Variants in PSMD1 observed in about 807,000 individuals in gnomAD.
The protein encoded by PSMD1 is 26S proteasome non-ATPase regulatory subunit 1.
Under a neutral mutation model 119.0 loss-of-function variants are expected in PSMD1, and 18 were observed. The observed-to-expected ratio is 0.15, with a 90% CI of 0.10 to 0.22. The LOEUF (loss-of-function observed/expected upper bound fraction) is 0.22, where lower values mean the gene tolerates loss of function less well. Ranked by LOEUF, PSMD1 falls within the 10% of genes least tolerant of loss-of-function variation. The pLI, the probability that PSMD1 is intolerant of heterozygous loss-of-function variation, is 1.00. For synonymous variants in PSMD1, 374 were observed against 396.6 expected (o/e 0.94, Z 0.68); for missense variants, 702 against 1,158.5 (o/e 0.61, Z 5.72).
At chr2:231,105,695 A>C (rs1342819480) in intron 16 of PSMD1, among the ~76,000 whole-genome samples, 1 of 152,184 alleles carries the variant, frequency 6.6e-6, no homozygotes, top group Non-Finnish European at 1.5e-5. Flanking sequence ...TCTTTGTGCA[A>C]CTGTTTTTTA....
intron 6 of PSMD1, among the ~76,000 whole-genome samples, 196 bp from the exon 7 acceptor site, chr2:231,071,993 T>A (rs965058544): frequency 1.3e-5 from 2 of 152,204 alleles, no homozygotes; most frequent in Non-Finnish European, 2.9e-5. Flanking sequence ...TGAATTTTTT[T>A]ATGGAAGACA....
At chr2:231,073,983 T>A (rs1411611047) in intron 7 of PSMD1, among the ~76,000 whole-genome samples, 2 of 152,180 alleles carry the variant, frequency 1.3e-5, no homozygotes, top group Non-Finnish European at 2.9e-5. Context: ...CTCCTTCTTT[T>A]GTAATCTTTA....
intron 16 of PSMD1, chr2:231,123,785 A>T (rs1288087037): frequency 1.3e-6 from 2 of 1,566,918 alleles, no homozygotes. Context: ...TCTGTGATTC[A>T]ATCCCGTTCC....
intron 23 of PSMD1, among the ~76,000 whole-genome samples, chr2:231,167,387 G>A (rs552939285): frequency 6.6e-6 from 1 of 152,296 alleles, no homozygotes; most frequent in South Asian, 2.1e-4. Context: ...AGTGAGGCAC[G>A]TGCTCAATGC....
intron 16 of PSMD1, among the ~76,000 whole-genome samples, chr2:231,110,313 C>G (rs530683028): frequency 1.3e-5 from 2 of 152,140 alleles, no homozygotes; most frequent in South Asian, 4.1e-4. Flanking sequence ...AAGTAAGACT[C>G]TGTCTCAAAA....
chr2:231,109,541 G>T (rs1366058229), intron 16 of PSMD1: 3 of 762,732 alleles, frequency 3.9e-6, no homozygotes, highest in East Asian at 2.7e-5. Flanking sequence ...CACAATGCAG[G>T]ATTTGTCGAA....
intron 23 of PSMD1, 105 bp downstream of exon 23, chr2:231,166,122 C>T (rs1447571770): frequency 2.8e-6 from 3 of 1,077,800 alleles, no homozygotes; most frequent in Non-Finnish European, 3.9e-6. Context: ...TTGGAGCAAG[C>T]TCACTAGTTC....
chr2:231,146,418 C>T (rs941228988), intron 18 of PSMD1, 62 bp downstream of exon 18: 56 of 1,317,166 alleles, frequency 4.3e-5, no homozygotes, highest in African/African-American at 2.8e-4. Context: ...AGTAACTTAT[C>T]GTCTTTTGAG....
chr2:231,111,098 A>T (rs1210441765), intron 16 of PSMD1, among the ~76,000 whole-genome samples: 1 of 152,158 alleles, frequency 6.6e-6, no homozygotes, highest in Non-Finnish European at 1.5e-5. Context: ...TACCTGCTAT[A>T]GTCTTCTCTC....
intron 24 of PSMD1, among the ~76,000 whole-genome samples, chr2:231,171,529 C>T (rs754145932): frequency 6.6e-6 from 1 of 151,380 alleles, no homozygotes; most frequent in Non-Finnish European, 1.5e-5. Context: ...TCCACCCAAG[C>T]ACAAACACGT....
intron 16 of PSMD1, among the ~76,000 whole-genome samples, chr2:231,116,952 C>CT (rs561372935): frequency 6.6e-6 from 1 of 151,856 alleles, no homozygotes; most frequent in East Asian, 1.9e-4. Context: ...TAATAGAAAC[C>CT]TTATATACAA....
At chr2:231,071,030 A>G (rs898852945) in intron 6 of PSMD1, among the ~76,000 whole-genome samples, 1 of 152,118 alleles carries the variant, frequency 6.6e-6, no homozygotes, top group African/African-American at 2.4e-5. Flanking sequence ...AATCACCCAA[A>G]GTCAACTTAC....
rs186748132 is a variant in PSMD1, at chr2:231,069,189, A to T, written c.511-836A>T. ...AAAGTAAAAGAATGAAAAATGTTTTAAAAAAAAAAAAGCAGAGTAACAAAT... is the reference window on the plus strand; with the variant it reads ...AAAGTAAAAGAATGAAAAATGTTTTTAAAAAAAAAAAGCAGAGTAACAAAT... On this transcript the variant is annotated intron_variant, in intron 5 of 24. Coordinates refer to ENST00000308696, the MANE Select transcript of PSMD1 (RefSeq NM_002807.4). 1.5e-3 allele frequency among the ~76,000 whole-genome samples: 212 copies of T among 137,496 alleles called. 2 individuals carry two copies. The East Asian group carries it at 0.03, about 19-fold the overall frequency. The allele number at this position is 137,496 out of a possible 152,430, so 90.2% of individuals were successfully genotyped here.
chr2:231,147,295 C>T (rs1385757889), intron 18 of PSMD1, among the ~76,000 whole-genome samples: 2 of 152,148 alleles, frequency 1.3e-5, no homozygotes, highest in Non-Finnish European at 2.9e-5. Context: ...GAGTTCAAGG[C>T]TAGCCTGGGC....
At position 231,067,019 on chromosome 2, in the gene PSMD1, C is replaced by T. The variant is rs1693924262; in HGVS notation, c.418C>T (p.Arg140Ter). 2 of 1,613,750 alleles carry T rather than the reference C, an allele frequency of 1.2e-6. No homozygotes were observed. The highest frequency in any genetic ancestry group is 1.7e-6 in the Non-Finnish European group (2 of 1,179,892). Residue 140 changes from arginine to a stop codon, truncating the protein, a stop_gained, in exon 5 of 25, where the codon CGA (arginine) becomes TGA (stop). Transcript: ENST00000308696. LOFTEE classifies it high-confidence loss of function. ...LEGIVNKMFQ[R>*]CLDDHKYKQA... is the part of the protein sequence containing the mutation. The stretch of plus-strand genomic sequence containing the variant: ...AGGCATCGTAAATAAAATGTTCCAG[C>T]GATGTCTAGATGATCACAAGTATAA...
intron 16 of PSMD1, among the ~76,000 whole-genome samples, chr2:231,098,779 C>T (rs945552728): frequency 3.3e-5 from 5 of 152,146 alleles, no homozygotes; most frequent in Non-Finnish European, 5.9e-5. Context: ...TCTGCCATTC[C>T]GTAAAGGTCA....
At chr2:231,072,051 A>AGT in intron 6 of PSMD1, 138 bp from the exon 7 acceptor site, 1 of 639,108 alleles carries the variant, frequency 1.6e-6, no homozygotes, top group Admixed American at 3.1e-5. Flanking sequence ...TTAGAAATAG[A>AGT]GTGCTAGACT....
At chr2:231,072,439 A>T (rs1365781531) in intron 7 of PSMD1, 24 bp downstream of exon 7, 11 of 1,524,556 alleles carry the variant, frequency 7.2e-6, no homozygotes, top group Non-Finnish European at 6.4e-6. Context: ...TTTCTGCATC[A>T]AAACTAATTG....
intron 15 of PSMD1, 151 bp downstream of exon 15, chr2:231,085,265 A>T: frequency 1.5e-6 from 1 of 657,804 alleles, no homozygotes; most frequent in South Asian, 1.7e-5. Context: ...ACAGGCCATA[A>T]CCTAGCACTA....
Sources: allele counts gnomAD v4.1 joint callset (sites outside exome capture counted in the v4.1 genomes callset), GRCh38; gene constraint gnomAD v4.1.1; transcripts MANE v1.5; gene names NCBI Gene and HGNC (gene_info 2026-07-23, HGNC 2026-07-21).